The following SHANK2 variants were observed in gnomAD, a reference collection of about 807,000 sequenced individuals.
SHANK2 encodes the protein SH3 and multiple ankyrin repeat domains protein 2.
Under a neutral mutation model 133.7 loss-of-function variants are expected in SHANK2, and 43 were observed. The ratio of observed to expected loss-of-function variants is 0.32; its 90% confidence interval spans 0.25 to 0.41. The LOEUF (loss-of-function observed/expected upper bound fraction) is 0.41. Ranked by LOEUF, SHANK2 falls within the 10% of genes least tolerant of loss-of-function variation. SHANK2 has a pLI of 1.00. For missense variants in SHANK2, 1,994 were observed against 2,235.8 expected (o/e 0.89, Z 2.18); for synonymous variants, 1,017 against 952.8 (o/e 1.07, Z -1.24).
intron 2 of SHANK2, among the ~76,000 whole-genome samples, chr11:71,156,617 A>C (rs868960246): frequency 3.9e-5 from 6 of 152,210 alleles, no homozygotes; most frequent in Non-Finnish European, 8.8e-5. Context: ...TCCTGACTCC[A>C]GCTCTGAGAA....
chr11:70,591,266 C>G (rs10899218), intron 17 of SHANK2, among the ~76,000 whole-genome samples: 37,964 of 151,722 alleles, frequency 0.25, 5,106 homozygotes, highest in Admixed American at 0.37. Flanking sequence ...GCAGGAGAAT[C>G]GCTTGAATCT....
intron 14 of SHANK2, among the ~76,000 whole-genome samples, chr11:70,765,673 A>C (rs1555041174): frequency 6.6e-6 from 1 of 152,186 alleles, no homozygotes; most frequent in African/African-American, 2.4e-5. Flanking sequence ...CCCAAGAAGC[A>C]AGAACTCCCA....
At chr11:70,551,373 C>T (rs891378008) in intron 17 of SHANK2, among the ~76,000 whole-genome samples, 2 of 146,250 alleles carry the variant, frequency 1.4e-5, no homozygotes, top group African/African-American at 2.5e-5. Flanking sequence ...CCCTAAGCTG[C>T]GTGGACGGGG....
intron 14 of SHANK2, among the ~76,000 whole-genome samples, chr11:70,699,931 T>C (rs1345915391): frequency 6.6e-6 from 1 of 152,220 alleles, no homozygotes; most frequent in African/African-American, 2.4e-5. Flanking sequence ...CCTTCCAAGC[T>C]TAGGCTTTTT....
intron 2 of SHANK2, among the ~76,000 whole-genome samples, chr11:71,159,918 T>C (rs568697175): frequency 2.9e-5 from 4 of 139,976 alleles, no homozygotes; most frequent in Non-Finnish European, 6.0e-5. Flanking sequence ...ACCCAGGAGA[T>C]GAAAGTTGCA....
At chr11:70,929,714 A>C (rs1950476490) in intron 10 of SHANK2, among the ~76,000 whole-genome samples, 1 of 152,188 alleles carries the variant, frequency 6.6e-6, no homozygotes. Flanking sequence ...TCCCCAACTC[A>C]AGATCTCAAA....
At chr11:71,105,100 G>A (rs541316929) in intron 6 of SHANK2, among the ~76,000 whole-genome samples, 2 of 152,298 alleles carry the variant, frequency 1.3e-5, no homozygotes, top group South Asian at 2.1e-4. Flanking sequence ...GGAGGCAAGT[G>A]GATAAGCAAA....
chr11:70,794,071 AGGAGTTCAAAACCAGTCT>A (rs1451079359), intron 14 of SHANK2, among the ~76,000 whole-genome samples: 1 of 152,142 alleles, frequency 6.6e-6, no homozygotes, highest in Non-Finnish European at 1.5e-5. Flanking sequence ...CCTTGAGGTC[AGGAGTTCAAAACCAGTCT>A]GGCAAACATG....
chr11:70,879,091 G>A (rs914234900), intron 11 of SHANK2, among the ~76,000 whole-genome samples: 2 of 152,148 alleles, frequency 1.3e-5, no homozygotes, highest in Non-Finnish European at 2.9e-5. Flanking sequence ...TCCTAAGGAC[G>A]AGGGTATACT....
chr11:71,163,994 C>G (rs1464526432), intron 2 of SHANK2, among the ~76,000 whole-genome samples: 2 of 152,198 alleles, frequency 1.3e-5, no homozygotes, highest in Admixed American at 1.3e-4. Context: ...AGTTTGTAGT[C>G]TGTCTGCTCT....
chr11:70,662,230 A>G (rs944056213), intron 15 of SHANK2: 2 of 198,598 alleles, frequency 1.0e-5, no homozygotes, highest in Admixed American at 1.1e-4. Flanking sequence ...TCCCCGCACG[A>G]GCCGGCAGCA....
Position 70,798,904 on chromosome 11 carries a change from G to C in SHANK2, c.1664-348C>G, listed in dbSNP as rs539019666. ...GTGTTGCACATGAGACAGGACAGTGGTGCTTGGCTGTCCTTACCATCAATG... is the reference window on the plus strand; with the variant it reads ...GTGTTGCACATGAGACAGGACAGTGCTGCTTGGCTGTCCTTACCATCAATG... On this transcript the variant is annotated intron_variant, in intron 13 of 25. Coordinates refer to ENST00000601538, the MANE Select transcript of SHANK2 (RefSeq NM_012309.5). 2.0e-5 allele frequency among the ~76,000 whole-genome samples: 3 copies of C among 152,220 alleles called. No individual in the cohort carries two copies. In the South Asian group the frequency reaches 6.2e-4, roughly 32 times the overall value.
chr11:70,527,751 A>T (rs2059418249), intron 17 of SHANK2, among the ~76,000 whole-genome samples: 1 of 152,168 alleles, frequency 6.6e-6, no homozygotes, highest in Non-Finnish European at 1.5e-5. Flanking sequence ...CCCCTCTGAT[A>T]AGCTGAGCTA....
chr11:71,210,210 G>GTGTATATATATGTGTATATATATATATA (rs1491563939), intron 2 of SHANK2, among the ~76,000 whole-genome samples: 1 of 54,074 alleles, frequency 1.8e-5, no homozygotes, highest in Non-Finnish European at 3.2e-5. Context: ...AAATCCACAG[G>GTGTATATATATGTGTATATATATATATA]TATATATATA....
In SHANK2 at chr11:70,805,164, G is replaced by C. The variant is rs901375952; in HGVS notation, c.1663+1838C>G. Among the ~76,000 whole-genome samples, 12 of 152,156 alleles carry C rather than the reference G, an allele frequency of 7.9e-5. 1 individual carries two copies. Among genetic ancestry groups the C allele is most frequent in the Admixed American group, 5.2e-4 (8 of 15,280 alleles). On this transcript the variant is annotated intron_variant, in intron 13 of 25. Transcript: ENST00000601538. Reference sequence around the variant, plus strand: ...CCTGGCTGCCCTACAGGAACTGCCAGCCGCACCCCAGCCTTCTCCTTGGGC... The same window carrying C: ...CCTGGCTGCCCTACAGGAACTGCCACCCGCACCCCAGCCTTCTCCTTGGGC...
intron 3 of SHANK2, among the ~76,000 whole-genome samples, chr11:71,130,656 T>C (rs531723907): frequency 1.3e-5 from 2 of 152,294 alleles, no homozygotes; most frequent in South Asian, 4.1e-4. Flanking sequence ...GACCTCCACC[T>C]CTACGGCATC....
At chr11:71,232,646 T>C (rs1009517732) in intron 1 of SHANK2, among the ~76,000 whole-genome samples, 6 of 152,134 alleles carry the variant, frequency 3.9e-5, no homozygotes, top group Non-Finnish European at 7.3e-5. Flanking sequence ...GAGGAGTGAA[T>C]GTATTTTCTC....
intron 24 of SHANK2, 174 bp downstream of exon 24, chr11:70,489,154 A>T: frequency 1.5e-6 from 1 of 665,006 alleles, no homozygotes; most frequent in Admixed American, 2.3e-5. Flanking sequence ...TCCTTGTGGG[A>T]GGACATTTTG....
intron 11 of SHANK2, among the ~76,000 whole-genome samples, chr11:70,854,176 G>A (rs935299033): frequency 1.3e-5 from 2 of 152,140 alleles, no homozygotes; most frequent in African/African-American, 2.4e-5. Flanking sequence ...TAATTTCTAC[G>A]AAGACCACAT....
Sources: allele counts gnomAD v4.1 joint callset (sites outside exome capture counted in the v4.1 genomes callset), GRCh38; gene constraint gnomAD v4.1.1; transcripts MANE v1.5; gene names NCBI Gene and HGNC (gene_info 2026-07-23, HGNC 2026-07-21).